Variants in EVL observed in about 807,000 individuals in gnomAD.
EVL encodes ena/VASP-like protein.
Under a neutral mutation model 59.6 loss-of-function variants are expected in EVL, and 21 were observed. The observed-to-expected ratio is 0.35, with a 90% CI of 0.25 to 0.51. The LOEUF (loss-of-function observed/expected upper bound fraction) is 0.51, where lower values mean the gene tolerates loss of function less well. EVL is among the 20% of genes least tolerant of loss of function. The pLI is 0.97. For missense variants in EVL, 462 were observed against 546.6 expected, an observed-to-expected ratio of 0.85 and a Z score of 1.54; for synonymous variants, 198 against 203.5, an observed-to-expected ratio of 0.97 and a Z score of 0.23.
chr14:100,127,422 C>G lies in EVL; in HGVS notation c.487+651C>G, dbSNP rs1295835894. ...ATTATCCTGTTGACTGATGAGAAAC[C>G]CGAGCCCCCACTGGTTACAGGAACG... is the stretch of plus-strand genomic sequence containing the variant. On this transcript the variant is annotated intron_variant, in intron 5 of 13. Transcript: ENST00000392920. The surrounding 1 kb of genome is among the most constrained non-coding windows in gnomAD (Gnocchi z 4.2). Among the ~76,000 whole-genome samples, 1 of 152,148 alleles carries G rather than the reference C, an allele frequency of 6.6e-6. No individual in the cohort carries two copies. The highest frequency in any genetic ancestry group is 2.4e-5 in the African/African-American group (1 of 41,424).
intron 13 of EVL, 50 bp from the exon 14 acceptor site, chr14:100,143,651 G>A (rs757895261): frequency 1.7e-5 from 27 of 1,607,770 alleles, no homozygotes; most frequent in East Asian, 2.2e-5. Context: ...ATGAGGAACC[G>A]GGCTGCACTG....
rs762116877 is a variant in EVL, at chr14:100,137,614, T to G, written c.1001T>G (p.Val334Gly). The change falls in exon 10 of 14, where the codon GTG (valine) becomes GGG (glycine). Residue 334 changes from valine to glycine, a missense_variant. By Grantham distance (109) the Val-to-Gly change is moderately radical (BLOSUM62 -3). Coordinates refer to ENST00000392920, the MANE Select transcript of EVL (RefSeq NM_016337.3). ...GRKPWERSNS[V>G]EKPVSSILSR... ...AAGCCCTGGGAGCGGAGCAACTCGGTGGAGAAGCCTGTGTCCTCGATTCTG... is the reference window on the plus strand; with the variant it reads ...AAGCCCTGGGAGCGGAGCAACTCGGGGGAGAAGCCTGTGTCCTCGATTCTG... 6.2e-7 allele frequency: 1 copy of G among 1,614,060 alleles called. No individual in the cohort carries two copies.
chr14:100,012,930 A>G (rs996528307), intron 1 of EVL, among the ~76,000 whole-genome samples: 5 of 152,260 alleles, frequency 3.3e-5, no homozygotes, highest in African/African-American at 7.2e-5. Flanking sequence ...CCACAATTTC[A>G]AAATGGGATA....
At chr14:100,060,609 T>G (rs1455008883), upstream of EVL, among the ~76,000 whole-genome samples, 6 of 152,132 alleles carry the variant, frequency 3.9e-5, no homozygotes, top group Non-Finnish European at 8.8e-5. Context: ...GAATTACCAG[T>G]GCCTTGTGAT....
chr14:100,104,099 G>A (rs1464943320), intron 3 of EVL, among the ~76,000 whole-genome samples: 1 of 152,220 alleles, frequency 6.6e-6, no homozygotes, highest in Admixed American at 6.5e-5. Context: ...GCTCAGGACA[G>A]TTCCTAACAC....
At chr14:100,096,033 T>TA (rs1885786325) in intron 2 of EVL, among the ~76,000 whole-genome samples, 1 of 152,080 alleles carries the variant, frequency 6.6e-6, no homozygotes, top group Non-Finnish European at 1.5e-5. Context: ...CAGCTTCAAT[T>TA]ACGTTTTTTT....
At chr14:100,008,060 T>C (rs1464744578) in intron 1 of EVL, among the ~76,000 whole-genome samples, 1 of 152,192 alleles carries the variant, frequency 6.6e-6, no homozygotes, top group Non-Finnish European at 1.5e-5. Flanking sequence ...TTGCCAAATG[T>C]TCCTGGGGCC....
intron 9 of EVL, chr14:100,137,273 G>T (rs1888859188): frequency 4.4e-6 from 2 of 452,106 alleles, no homozygotes; most frequent in Non-Finnish European, 4.1e-6. Context: ...GATGTCCGGG[G>T]AGGTCGTGCT....
In EVL at chr14:100,128,000, T is replaced by G. The variant is rs1399736857; in HGVS notation, c.488-519T>G. 6.6e-6 allele frequency among the ~76,000 whole-genome samples: 1 copy of G among 152,170 alleles called. No individual in the cohort carries two copies. The highest frequency in any genetic ancestry group is 1.5e-5 in the Non-Finnish European group (1 of 68,010). Reference sequence around the variant, plus strand: ...CTTAGGCAGCACTGGCGGAAGGGGCTGGATGGATGATGCTGGAGCCCAGCA... The same window carrying G: ...CTTAGGCAGCACTGGCGGAAGGGGCGGGATGGATGATGCTGGAGCCCAGCA... On this transcript the variant is annotated intron_variant, in intron 5 of 13. Transcript: ENST00000392920. The surrounding 1 kb of genome is among the most constrained non-coding windows in gnomAD (Gnocchi z 4.2).
At chr14:100,070,555 C>T (rs142675917) in intron 1 of EVL, among the ~76,000 whole-genome samples, 221 of 152,332 alleles carry the variant, frequency 1.5e-3, no homozygotes, top group Middle Eastern at 6.8e-3. Context: ...GATGCTCTGT[C>T]GGCTCAGGAT....
chr14:99,998,296 C>T (rs1197842369), intron 1 of EVL, among the ~76,000 whole-genome samples: 1 of 152,126 alleles, frequency 6.6e-6, no homozygotes, highest in African/African-American at 2.4e-5. Flanking sequence ...GGATTACAGA[C>T]ATGAGCCCCT....
chr14:100,019,747 G>C, intron 1 of EVL: 1 of 1,482,182 alleles, frequency 6.7e-7, no homozygotes, highest in South Asian at 1.2e-5. Context: ...CTAGGTTTTT[G>C]CTGTGTAATG....
At chr14:100,035,013 G>A (rs767179336) in intron 1 of EVL, among the ~76,000 whole-genome samples, 18 of 152,202 alleles carry the variant, frequency 1.2e-4, no homozygotes, top group Admixed American at 2.6e-4. Context: ...GCAACTACCA[G>A]CTACTAGAAC....
At chr14:100,015,201 T>A in intron 1 of EVL, among the ~76,000 whole-genome samples, 1 of 152,226 alleles carries the variant, frequency 6.6e-6, no homozygotes, top group South Asian at 2.1e-4. Context: ...GGCCTCCAAG[T>A]GAACTGTAAT....
At chr14:100,075,486 G>A (rs2062140831) in intron 1 of EVL, among the ~76,000 whole-genome samples, 1 of 152,184 alleles carries the variant, frequency 6.6e-6, no homozygotes, top group Non-Finnish European at 1.5e-5. Flanking sequence ...GCCTAGCTTT[G>A]GGAACATTTA....
At chr14:100,033,602 T>C (rs2061345718) in intron 1 of EVL, among the ~76,000 whole-genome samples, 1 of 152,252 alleles carries the variant, frequency 6.6e-6, no homozygotes, top group Non-Finnish European at 1.5e-5. Flanking sequence ...GTTTGTTTTA[T>C]ATAATGTTTT....
intron 1 of EVL, among the ~76,000 whole-genome samples, chr14:100,013,116 C>T (rs1359150844): frequency 6.6e-6 from 1 of 151,670 alleles, no homozygotes; most frequent in African/African-American, 2.4e-5. Context: ...CAGGGACTGT[C>T]TTTGAGGTTG....
chr14:99,986,787 A>G (rs971839742), intron 1 of EVL, among the ~76,000 whole-genome samples: 4 of 152,208 alleles, frequency 2.6e-5, no homozygotes, highest in Non-Finnish European at 4.4e-5. Context: ...TTTTTTGACA[A>G]GAGTGCCAGA....
chr14:100,025,256 C>T (rs2061191612), intron 1 of EVL, among the ~76,000 whole-genome samples: 1 of 152,192 alleles, frequency 6.6e-6, no homozygotes, highest in South Asian at 2.1e-4. Context: ...TCAGCCTGGC[C>T]CTCTTATCAG....
Sources: gnomAD v4.1 joint callset for allele counts (sites outside exome capture counted in the v4.1 genomes callset) on GRCh38, gnomAD v4.1.1 for gene constraint, Gnocchi (gnomAD v3.1) non-coding constraint, MANE v1.5 for transcripts, NCBI Gene and HGNC (gene_info 2026-07-23, HGNC 2026-07-21) for gene names.